Variants in MKKS observed in about 807,000 individuals in gnomAD.
MKKS encodes the protein MKKS centrosomal shuttling protein, also known as molecular chaperone MKKS.
A neutral mutation model predicts 33.2 loss-of-function variants in MKKS; 29 were observed. The ratio of observed to expected loss-of-function variants is 0.87; its 90% confidence interval spans 0.65 to 1.19. The LOEUF (loss-of-function observed/expected upper bound fraction) is 1.19. Ranked by LOEUF, MKKS falls within the 50% of genes most tolerant of loss-of-function variation. The pLI is 0.00. For missense variants in MKKS, 661 were observed against 662.3 expected, an observed-to-expected ratio of 1.00 and a Z score of 0.02; for synonymous variants, 260 against 244.0, an observed-to-expected ratio of 1.07 and a Z score of -0.61.
Position 10,413,489 on chromosome 20 carries a change from G to A in MKKS, c.26C>T (p.Pro9Leu), listed in dbSNP as rs751314471. 1.2e-6 allele frequency: 2 copies of A among 1,614,158 alleles called. No individual in the cohort carries two copies. Residue 9 changes from proline to leucine, a missense_variant, in exon 3 of 6, where the codon CCA (proline) becomes CTA (leucine). Physicochemically the swap from Pro to Leu is moderately conservative, Grantham distance 98. Coordinates refer to ENST00000347364, the MANE Select transcript of MKKS (RefSeq NM_170784.3). MSRLEAKKPSLCKSEPLTT... is the reference protein window; with the variant it reads MSRLEAKKLSLCKSEPLTT... ...CAGTGGTTCACTCTTACACAATGAT[G>A]GCTTCTTAGCTTCCAAACGAGACAT...
chr20:10,405,207 A>G lies in MKKS; in HGVS notation c.*40T>C. On this transcript the variant is annotated 3_prime_UTR_variant, in exon 6 of 6. Transcript: ENST00000347364. ...AATTTTTCTCAATTGCCAACAGACT[A>G]GTTTATTTGTTTCTCTTGTAATACG... is the stretch of plus-strand genomic sequence containing the variant. 1 of 1,502,086 alleles carries G rather than the reference A, an allele frequency of 6.7e-7. No individual in the cohort carries two copies. Among genetic ancestry groups the G allele is most frequent in the Non-Finnish European group, 9.1e-7 (1 of 1,098,358 alleles). 93.0% of individuals were successfully genotyped at this position (1,502,086 alleles called of 1,614,324 possible).
chr20:10,422,141 C>T (rs1302546520), intron 1 of MKKS, among the ~76,000 whole-genome samples: 2 of 152,024 alleles, frequency 1.3e-5, no homozygotes, highest in Non-Finnish European at 2.9e-5. Context: ...AAGATGTTAT[C>T]TTATAGCTAT....
Position 10,413,495 on chromosome 20 carries a change from T to C in MKKS, c.20A>G (p.Lys7Arg). The part of the protein sequence containing the change: MSRLEA[K>R]KPSLCKSEPL... Reference sequence around the variant, plus strand: ...TTCACTCTTACACAATGATGGCTTCTTAGCTTCCAAACGAGACATCTTACT... The same window carrying C: ...TTCACTCTTACACAATGATGGCTTCCTAGCTTCCAAACGAGACATCTTACT... Residue 7 changes from lysine (K) to arginine (R), a missense_variant, in exon 3 of 6, where the codon AAG (lysine) becomes AGG (arginine). Coordinates refer to ENST00000347364, the MANE Select transcript of MKKS (RefSeq NM_170784.3). 2 of 1,614,210 alleles carry C rather than the reference T, an allele frequency of 1.2e-6. No homozygotes were observed. Among genetic ancestry groups the C allele is most frequent in the South Asian group, 2.2e-5 (2 of 91,088 alleles).
chr20:10,422,775 G>A (rs868559812), intron 1 of MKKS, among the ~76,000 whole-genome samples: 19 of 150,558 alleles, frequency 1.3e-4, no homozygotes, highest in Admixed American at 2.7e-4. Context: ...GCAGTGGTGC[G>A]ATCTCAGCTC....
intron 1 of MKKS, among the ~76,000 whole-genome samples, chr20:10,426,360 T>C (rs935867392): frequency 6.6e-6 from 1 of 152,332 alleles, no homozygotes. Flanking sequence ...GGCACACCCT[T>C]GAGGATCACT....
chr20:10,424,780 G>C (rs759813552), intron 1 of MKKS, among the ~76,000 whole-genome samples: 1 of 152,054 alleles, frequency 6.6e-6, no homozygotes, highest in South Asian at 2.1e-4. Flanking sequence ...AGCAGGGCAC[G>C]GTGGCTCATG....
rs1214036701 is a variant in MKKS at position 10,412,559 on chromosome 20, G to C, written c.956C>G (p.Thr319Ser). The C allele has an allele frequency of 6.2e-7, 1 of 1,614,014 alleles. No homozygotes were observed. The highest frequency in any genetic ancestry group is 1.7e-5 in the Admixed American group (1 of 60,026). Reference protein sequence around the residue: ...RIIAIDRIGVTLMEPLTKMTG... With the variant: ...RIIAIDRIGVSLMEPLTKMTG... ...CATTTTAGTCAGGGGTTCCATCAGAGTCACTCCAATTCTGTCTATGGCAAT... is the reference window on the plus strand; with the variant it reads ...CATTTTAGTCAGGGGTTCCATCAGACTCACTCCAATTCTGTCTATGGCAAT... Residue 319 changes from threonine (T) to serine (S), a missense_variant, in exon 3 of 6, where the codon ACT (threonine) becomes AGT (serine). By Grantham distance (58) the Thr-to-Ser change is moderately conservative. Transcript: ENST00000347364.
intron 2 of MKKS, among the ~76,000 whole-genome samples, chr20:10,418,131 G>A (rs552079783): frequency 1.3e-5 from 2 of 152,322 alleles, no homozygotes; most frequent in South Asian, 4.1e-4. Flanking sequence ...GTTTGTGTAT[G>A]TGTGTTTATT....
chr20:10,416,902 C>T (rs932520019), intron 2 of MKKS, among the ~76,000 whole-genome samples: 4 of 152,100 alleles, frequency 2.6e-5, no homozygotes, highest in Admixed American at 2.6e-4. Flanking sequence ...TTTTACACTA[C>T]AACAGAAAGC....
chr20:10,416,592 T>C (rs1421840728), intron 2 of MKKS, among the ~76,000 whole-genome samples: 1 of 152,184 alleles, frequency 6.6e-6, no homozygotes, highest in Non-Finnish European at 1.5e-5. Flanking sequence ...CTCATTATTA[T>C]AAAAACCAAT....
rs1344274617 is a variant in MKKS at position 10,404,088 on chromosome 20, T to C, written c.*1159A>G. ...TAATACAACATTTGTTATAGCTCCATGCTTATTCATGTGGCTGCCTTCTAT... is the reference window on the plus strand; with the variant it reads ...TAATACAACATTTGTTATAGCTCCACGCTTATTCATGTGGCTGCCTTCTAT... On this transcript the variant is annotated 3_prime_UTR_variant, in exon 6 of 6. Transcript: ENST00000347364. 1 of 152,240 alleles carries C rather than the reference T, an allele frequency of 6.6e-6. No homozygotes were observed. Among genetic ancestry groups the C allele is most frequent in the Non-Finnish European group, 1.5e-5 (1 of 68,034 alleles). The allele number at this position is 152,240 out of a possible 1,614,324, so 9.4% of individuals were successfully genotyped here.
chr20:10,419,106 C>A (rs77421246), intron 2 of MKKS, among the ~76,000 whole-genome samples: 8,018 of 152,148 alleles, frequency 0.053, 254 homozygotes, highest in Admixed American at 0.079. Flanking sequence ...AAGTCAAAAT[C>A]TCAGACCAAG....
At chr20:10,432,269 A>G (rs1256020365) in intron 1 of MKKS, among the ~76,000 whole-genome samples, 8 of 152,170 alleles carry the variant, frequency 5.3e-5, no homozygotes, top group Non-Finnish European at 4.4e-5. Flanking sequence ...AACTTTTTCT[A>G]TTGCCCAATC....
chr20:10,406,364 A>G (rs758218724), intron 5 of MKKS, among the ~76,000 whole-genome samples: 1 of 152,224 alleles, frequency 6.6e-6, no homozygotes, highest in African/African-American at 2.4e-5. Context: ...CAGTGGTCCC[A>G]TAAGATTATA....
At chr20:10,428,826 A>G (rs2065034078) in intron 1 of MKKS, among the ~76,000 whole-genome samples, 1 of 145,420 alleles carries the variant, frequency 6.9e-6, no homozygotes, top group Admixed American at 7.1e-5. Flanking sequence ...CCTAGGTGAC[A>G]GAGCAAGACT....
At chr20:10,417,246 A>C (rs1600852487) in intron 2 of MKKS, among the ~76,000 whole-genome samples, 1 of 716 alleles carries the variant, frequency 1.4e-3, no homozygotes, top group Non-Finnish European at 0.018. Flanking sequence ...ACTCCATCTT[A>C]AAAAAAAAAA....
intron 1 of MKKS, among the ~76,000 whole-genome samples, chr20:10,424,975 C>T (rs953545453): frequency 1.6e-4 from 24 of 151,600 alleles, no homozygotes; most frequent in Admixed American, 1.4e-3. Context: ...ATCACTTGAA[C>T]CTGGGAGGCG....
At chr20:10,414,714 T>C (rs2064924659) in intron 2 of MKKS, among the ~76,000 whole-genome samples, 1 of 152,352 alleles carries the variant, frequency 6.6e-6, no homozygotes, top group East Asian at 1.9e-4. Flanking sequence ...TAAATAATTA[T>C]AAAAACAAGA....
At chr20:10,406,758 A>G (rs1322609587) in intron 5 of MKKS, among the ~76,000 whole-genome samples, 1 of 152,222 alleles carries the variant, frequency 6.6e-6, no homozygotes, top group East Asian at 1.9e-4. Flanking sequence ...TAGTTTATCA[A>G]TTCCATTTCA....
Sources: gnomAD v4.1 joint callset for allele counts (sites outside exome capture counted in the v4.1 genomes callset) on GRCh38, gnomAD v4.1.1 for gene constraint, MANE v1.5 for transcripts, NCBI Gene and HGNC (gene_info 2026-07-23, HGNC 2026-07-21) for gene names.